The following P4HA1 variants were observed in gnomAD, a reference collection of about 807,000 sequenced individuals.
P4HA1 encodes prolyl 4-hydroxylase subunit alpha 1, also known as prolyl 4-hydroxylase subunit alpha-1.
Under a neutral mutation model 72.8 loss-of-function variants are expected in P4HA1, and 24 were observed. The ratio of observed to expected loss-of-function variants is 0.33; its 90% CI spans 0.24 to 0.46. The LOEUF is 0.46. P4HA1 is among the 20% of genes least tolerant of loss of function. The pLI, the probability that P4HA1 is intolerant of heterozygous loss-of-function variation, is 1.00. For synonymous variants in P4HA1, 201 were observed against 218.8 expected, an observed-to-expected ratio of 0.92 and a Z score of 0.72; for missense variants, 446 against 640.6, an observed-to-expected ratio of 0.70 and a Z score of 3.28.
chr10:73,030,440 T>A, intron 9 of P4HA1, 70 bp from the exon 10 acceptor site: 1 of 717,658 alleles, frequency 1.4e-6, no homozygotes, highest in African/African-American at 1.7e-5. Flanking sequence ...CTGTTATTTT[T>A]AAAGCCATAA....
At chr10:73,061,349 A>G (rs1002878578) in intron 5 of P4HA1, among the ~76,000 whole-genome samples, 1 of 152,204 alleles carries the variant, frequency 6.6e-6, no homozygotes, top group Non-Finnish European at 1.5e-5. Context: ...GTTAACCACC[A>G]AAGTAGTCAA....
At chr10:73,016,483 A>C in intron 11 of P4HA1, among the ~76,000 whole-genome samples, 1 of 152,368 alleles carries the variant, frequency 6.6e-6, no homozygotes, top group Non-Finnish European at 1.5e-5. Context: ...TTTTTCTTTA[A>C]CAATGTAATG....
At chr10:73,027,169 T>C (rs1318726897) in intron 10 of P4HA1, among the ~76,000 whole-genome samples, 1 of 152,178 alleles carries the variant, frequency 6.6e-6, no homozygotes, top group Non-Finnish European at 1.5e-5. Flanking sequence ...TGTGGCACTA[T>C]TCACAATAGC....
chr10:73,045,082 T>C (rs1840822738), intron 8 of P4HA1, 31 bp from the exon 9 acceptor site: 2 of 1,588,128 alleles, frequency 1.3e-6, no homozygotes, highest in Non-Finnish European at 1.7e-6. Context: ...ATAGTTGCAT[T>C]ACAAAACAAA....
chr10:73,010,429 A>G (rs1839889669), intron 13 of P4HA1, among the ~76,000 whole-genome samples: 1 of 152,234 alleles, frequency 6.6e-6, no homozygotes, highest in Admixed American at 6.5e-5. Context: ...AGTATTTGCC[A>G]AAAGAAAGCT....
At chr10:73,035,893 TCATAA>T (rs1199942970) in intron 9 of P4HA1, among the ~76,000 whole-genome samples, 15 of 152,288 alleles carry the variant, frequency 9.8e-5, no homozygotes, top group African/African-American at 3.6e-4. Context: ...TCTTGTTATA[TCATAA>T]CATATCTCGG....
chr10:73,090,097 G>A (rs1841998969), intron 1 of P4HA1, among the ~76,000 whole-genome samples: 1 of 151,294 alleles, frequency 6.6e-6, no homozygotes, highest in Admixed American at 6.6e-5. Context: ...GCCCCCCAGA[G>A]TGTTGGGATT....
chr10:73,080,708 C>T (rs1841802926), intron 1 of P4HA1, among the ~76,000 whole-genome samples: 1 of 152,076 alleles, frequency 6.6e-6, no homozygotes, highest in Non-Finnish European at 1.5e-5. Flanking sequence ...AGGCAGATTG[C>T]TTGAGGTCAG....
chr10:73,062,274 G>T (rs1841329743), intron 5 of P4HA1, among the ~76,000 whole-genome samples: 1 of 151,834 alleles, frequency 6.6e-6, no homozygotes, highest in Non-Finnish European at 1.5e-5. Context: ...CATAATAAAA[G>T]AAATTTTATA....
Position 73,037,550 on chromosome 10 carries a change from TA to T in P4HA1, c.1149-7181del, listed in dbSNP as rs1564624838. 1.6e-3 allele frequency among the ~76,000 whole-genome samples: 50 copies of T among 30,450 alleles called. 1 individual carries two copies. Among genetic ancestry groups the T allele is most frequent in the African/African-American group, 6.5e-3 (50 of 7,744 alleles). The allele number at this position is 30,450 out of a possible 152,430, so 20.0% of individuals were successfully genotyped here. On this transcript the variant is annotated intron_variant, in intron 9 of 14. Coordinates refer to ENST00000394890, the MANE Select transcript of P4HA1 (RefSeq NM_001017962.3). ...CTATATATATATATATATATATATA[TA>T]TATATATATATATATATATATTTTT...
In P4HA1 at chr10:73,044,944, A is replaced by G. The variant is rs369018712; in HGVS notation, c.1148+37T>C. The G allele has an allele frequency of 2.6e-6, 4 of 1,541,464 alleles. No homozygotes were observed. The Admixed American group carries it at 7.0e-5, about 27-fold the overall frequency. On this transcript the variant is annotated intron_variant, in intron 9 of 14. Transcript: ENST00000394890. ...TTCCTGTAAGATGTATAAAACACTC[A>G]TTAGAGGGCAAAATATGCAGCATAC... is the stretch of plus-strand genomic sequence containing the variant.
chr10:73,068,426 TG>T (rs1322983314), intron 5 of P4HA1, among the ~76,000 whole-genome samples: 1 of 152,204 alleles, frequency 6.6e-6, no homozygotes, highest in Non-Finnish European at 1.5e-5. Context: ...TTCCATACTA[TG>T]GAACACTTTA....
At position 73,037,562 on chromosome 10, in the gene P4HA1, TATATATA is replaced by T. The variant is rs1307305356; in HGVS notation, c.1149-7199_1149-7193del. 4.4e-3 allele frequency among the ~76,000 whole-genome samples: 149 copies of T among 34,154 alleles called. 1 individual carries two copies. The highest frequency in any genetic ancestry group is 0.016 in the East Asian group (12 of 762). The allele number at this position is 34,154 out of a possible 152,430, so 22.4% of individuals were successfully genotyped here. ...ATATATATATATATATATATATATA[TATATATA>T]TATTTTTTTTTTTTTTTTTTTACAA... On this transcript the variant is annotated intron_variant, in intron 9 of 14. Transcript: ENST00000394890.
chr10:73,053,795 G>C (rs1841072797), intron 5 of P4HA1, among the ~76,000 whole-genome samples: 1 of 152,074 alleles, frequency 6.6e-6, no homozygotes, highest in South Asian at 2.1e-4. Flanking sequence ...GCTGGTATTA[G>C]GGGACACAGA....
chr10:73,053,282 A>T, intron 6 of P4HA1, 69 bp downstream of exon 6: 1 of 1,454,714 alleles, frequency 6.9e-7, no homozygotes. Context: ...AATGAGGGAA[A>T]GACAGAAAAA....
intron 10 of P4HA1, among the ~76,000 whole-genome samples, chr10:73,023,060 T>C (rs1840174631): frequency 6.6e-6 from 1 of 152,208 alleles, no homozygotes; most frequent in Non-Finnish European, 1.5e-5. Flanking sequence ...GGAAACAGGC[T>C]GAAAAACACT....
intron 1 of P4HA1, among the ~76,000 whole-genome samples, chr10:73,094,918 T>C (rs1180882234): frequency 6.6e-6 from 1 of 152,200 alleles, no homozygotes; most frequent in Non-Finnish European, 1.5e-5. Flanking sequence ...ATGGCCAATG[T>C]AATTATCCGC....
intron 1 of P4HA1, among the ~76,000 whole-genome samples, chr10:73,090,466 C>T (rs553385049): frequency 6.6e-6 from 1 of 152,220 alleles, no homozygotes; most frequent in South Asian, 2.1e-4. Flanking sequence ...TGGATATGTT[C>T]CTTATCTTGA....
intron 1 of P4HA1, among the ~76,000 whole-genome samples, chr10:73,087,661 A>G (rs1157216155): frequency 1.3e-5 from 2 of 151,564 alleles, no homozygotes; most frequent in African/African-American, 4.9e-5. Flanking sequence ...TAGGTTGTTT[A>G]CTTTTTTTAA....
Sources: gnomAD v4.1 joint callset for allele counts (sites outside exome capture counted in the v4.1 genomes callset) on GRCh38, gnomAD v4.1.1 for gene constraint, MANE v1.5 for transcripts, NCBI Gene and HGNC (gene_info 2026-07-23, HGNC 2026-07-21) for gene names.